KIAA1328: variants seen among roughly 807,000 people sequenced by gnomAD.
KIAA1328 encodes KIAA1328.
KIAA1328 carries 52 observed loss-of-function variants against 68.1 expected under a neutral mutation model. That is an observed-to-expected ratio of 0.76 (90% CI 0.61 to 0.96). The LOEUF is 0.96. Ranked by LOEUF, KIAA1328 falls within the 40% of genes least tolerant of loss-of-function variation. KIAA1328 has a pLI of 0.00. For synonymous variants in KIAA1328, 232 were observed against 239.4 expected (o/e 0.97, Z 0.28); for missense variants, 641 against 677.6 (o/e 0.95, Z 0.60).
At chr18:37,026,422 A>G (rs981139587) in intron 6 of KIAA1328, among the ~76,000 whole-genome samples, 1 of 152,304 alleles carries the variant, frequency 6.6e-6, no homozygotes, top group African/African-American at 2.4e-5. Context: ...CACAACAAAA[A>G]AAGAGAATTT....
chr18:37,017,686 T>A (rs530751116), intron 6 of KIAA1328, among the ~76,000 whole-genome samples: 2 of 152,336 alleles, frequency 1.3e-5, no homozygotes, highest in Non-Finnish European at 2.9e-5. Flanking sequence ...TTAAGATTTA[T>A]CTAATTGAAC....
chr18:36,899,531 A>G (rs1324789404), intron 5 of KIAA1328, among the ~76,000 whole-genome samples: 1 of 151,830 alleles, frequency 6.6e-6, no homozygotes, highest in African/African-American at 2.4e-5. Flanking sequence ...CAGGAGGTGA[A>G]TAAGCATGTG....
At chr18:36,845,071 A>C (rs1375028971) in intron 4 of KIAA1328, among the ~76,000 whole-genome samples, 1 of 151,802 alleles carries the variant, frequency 6.6e-6, no homozygotes, top group Non-Finnish European at 1.5e-5. Flanking sequence ...AGAGGTTTTT[A>C]AAAAGACTGA....
intron 5 of KIAA1328, among the ~76,000 whole-genome samples, chr18:36,953,256 T>C (rs983401208): frequency 6.8e-6 from 1 of 147,542 alleles, no homozygotes; most frequent in Admixed American, 6.8e-5. Context: ...TATAGTGTAA[T>C]ATTTAATAAT....
intron 8 of KIAA1328, among the ~76,000 whole-genome samples, chr18:37,164,907 C>A (rs186906197): frequency 1.3e-5 from 2 of 152,146 alleles, no homozygotes; most frequent in East Asian, 3.9e-4. Flanking sequence ...TTATGTACAC[C>A]CGTGTAACCA....
intron 7 of KIAA1328, among the ~76,000 whole-genome samples, chr18:37,147,570 G>T (rs9963059): frequency 6.6e-6 from 1 of 152,080 alleles, no homozygotes; most frequent in Non-Finnish European, 1.5e-5. Context: ...TCTCTGGAAA[G>T]CCTGGGGTGT....
At chr18:36,977,928 T>C (rs2052535610) in intron 6 of KIAA1328, among the ~76,000 whole-genome samples, 1 of 152,010 alleles carries the variant, frequency 6.6e-6, no homozygotes, top group African/African-American at 2.4e-5. Flanking sequence ...GAATTACAGG[T>C]GTGTGCCACC....
chr18:37,116,635 G>A (rs1379770150), intron 7 of KIAA1328, among the ~76,000 whole-genome samples: 5 of 152,058 alleles, frequency 3.3e-5, no homozygotes, highest in Admixed American at 6.5e-5. Flanking sequence ...CAAAAGCAAC[G>A]GCAACAAAAG....
intron 5 of KIAA1328, among the ~76,000 whole-genome samples, chr18:36,918,464 G>A (rs1194100117): frequency 2.1e-5 from 3 of 145,172 alleles, no homozygotes; most frequent in Admixed American, 7.1e-5. Flanking sequence ...CCAGGCTAGA[G>A]TGCAGTGGTG....
At chr18:36,844,344 A>G (rs1229886317) in intron 4 of KIAA1328, 42 bp downstream of exon 4, 7 of 1,311,512 alleles carry the variant, frequency 5.3e-6, no homozygotes, top group Non-Finnish European at 7.4e-6. Flanking sequence ...TATACAAAAG[A>G]CAACTCTTAT....
At chr18:37,039,855 G>A (rs2055177524) in intron 6 of KIAA1328, among the ~76,000 whole-genome samples, 1 of 152,108 alleles carries the variant, frequency 6.6e-6, no homozygotes, top group African/African-American at 2.4e-5. Flanking sequence ...GTGAAATGTA[G>A]GTGTCTGTTA....
At chr18:37,107,908 G>C (rs527272101) in intron 7 of KIAA1328, among the ~76,000 whole-genome samples, 1 of 151,572 alleles carries the variant, frequency 6.6e-6, no homozygotes, top group Non-Finnish European at 1.5e-5. Flanking sequence ...GGAGAAAATG[G>C]AACACATGTA....
At chr18:36,940,125 G>A (rs1320478860) in intron 5 of KIAA1328, among the ~76,000 whole-genome samples, 1 of 152,132 alleles carries the variant, frequency 6.6e-6, no homozygotes, top group Non-Finnish European at 1.5e-5. Context: ...ATATGACTTT[G>A]GAGACAGAAA....
chr18:37,007,075 T>G (rs1255394841), intron 6 of KIAA1328, among the ~76,000 whole-genome samples: 1 of 152,166 alleles, frequency 6.6e-6, no homozygotes, highest in Non-Finnish European at 1.5e-5. Context: ...GCACCAGCTG[T>G]CTTCCTCCAC....
At chr18:37,114,762 C>A (rs1436558695) in intron 7 of KIAA1328, among the ~76,000 whole-genome samples, 1 of 151,896 alleles carries the variant, frequency 6.6e-6, no homozygotes, top group Non-Finnish European at 1.5e-5. Flanking sequence ...AATTGATAGA[C>A]CACTAGCAAG....
At chr18:37,058,140 T>A (rs1010770184) in intron 6 of KIAA1328, among the ~76,000 whole-genome samples, 1 of 152,082 alleles carries the variant, frequency 6.6e-6, no homozygotes, top group African/African-American at 2.4e-5. Flanking sequence ...ACATGTGGAA[T>A]GAGGTTGTGC....
chr18:37,107,597 A>G (rs1411874743), intron 7 of KIAA1328, among the ~76,000 whole-genome samples: 1 of 152,048 alleles, frequency 6.6e-6, no homozygotes, highest in Non-Finnish European at 1.5e-5. Context: ...ATTCATTCCT[A>G]GGTATTTCAT....
chr18:37,003,962 A>G (rs2053683251), intron 6 of KIAA1328, among the ~76,000 whole-genome samples: 1 of 152,114 alleles, frequency 6.6e-6, no homozygotes, highest in Non-Finnish European at 1.5e-5. Context: ...TTTTTATACC[A>G]GTAGCATGCT....
At chr18:37,218,540 G>A (rs953704350) in intron 9 of KIAA1328, among the ~76,000 whole-genome samples, 1 of 152,096 alleles carries the variant, frequency 6.6e-6, no homozygotes, top group African/African-American at 2.4e-5. Context: ...TAAAAAACAA[G>A]GTTAGGCGTT....
Sources: gnomAD v4.1 joint callset for allele counts (sites outside exome capture counted in the v4.1 genomes callset) on GRCh38, gnomAD v4.1.1 for gene constraint, MANE v1.5 for transcripts, NCBI Gene and HGNC (gene_info 2026-07-23, HGNC 2026-07-21) for gene names.